The following TYR variants were observed in gnomAD, a reference collection of about 807,000 sequenced individuals.
TYR encodes the protein tyrosinase.
In TYR, 58 loss-of-function variants were observed where a neutral mutation model predicts 51.5. The ratio of observed to expected loss-of-function variants is 1.13; its 90% CI spans 0.91 to 1.40. The LOEUF (loss-of-function observed/expected upper bound fraction) is 1.40. Ranked by LOEUF, TYR falls within the 40% of genes most tolerant of loss-of-function variation. The pLI is 0.00. For missense variants in TYR, 732 were observed against 647.4 expected (o/e 1.13, Z -1.42); for synonymous variants, 263 against 235.2 (o/e 1.12, Z -1.08).
intron 1 of TYR, among the ~76,000 whole-genome samples, chr11:89,183,450 T>C (rs1442091127): frequency 1.3e-5 from 2 of 152,118 alleles, no homozygotes; most frequent in African/African-American, 4.8e-5. Context: ...AATTACCATC[T>C]ATACATGTTT....
intron 2 of TYR, among the ~76,000 whole-genome samples, chr11:89,218,633 G>A (rs1310052160): frequency 6.6e-6 from 1 of 152,156 alleles, no homozygotes; most frequent in Non-Finnish European, 1.5e-5. Flanking sequence ...GATAGCCTCT[G>A]TAATTAATAA....
At chr11:89,242,089 A>G (rs1944204120) in intron 3 of TYR, among the ~76,000 whole-genome samples, 1 of 152,158 alleles carries the variant, frequency 6.6e-6, no homozygotes. Flanking sequence ...CAGGTTGGAT[A>G]CACTTCTGAA....
At chr11:89,264,044 G>A (rs963080252) in intron 3 of TYR, among the ~76,000 whole-genome samples, 2 of 151,968 alleles carry the variant, frequency 1.3e-5, no homozygotes, top group African/African-American at 2.4e-5. Flanking sequence ...AAATGTTTCA[G>A]CATTTGCTGT....
intron 3 of TYR, among the ~76,000 whole-genome samples, chr11:89,255,329 A>G (rs1944377237): frequency 6.6e-6 from 1 of 151,716 alleles, no homozygotes; most frequent in African/African-American, 2.4e-5. Flanking sequence ...TCTTAAGCCC[A>G]TTTGTTCTAG....
At chr11:89,212,443 T>G (rs973137857) in intron 2 of TYR, among the ~76,000 whole-genome samples, 3 of 152,084 alleles carry the variant, frequency 2.0e-5, no homozygotes, top group African/African-American at 7.2e-5. Context: ...AGGCAATAAT[T>G]AATAGCCTAC....
intron 1 of TYR, among the ~76,000 whole-genome samples, chr11:89,186,009 C>T (rs1943367496): frequency 1.3e-5 from 2 of 152,024 alleles, no homozygotes; most frequent in African/African-American, 4.8e-5. Context: ...TCAACAATGC[C>T]TGTTTTTACT....
intron 3 of TYR, among the ~76,000 whole-genome samples, chr11:89,255,836 G>T (rs1944384437): frequency 6.6e-6 from 1 of 151,012 alleles, no homozygotes; most frequent in African/African-American, 2.4e-5. Flanking sequence ...CATTTTATTT[G>T]TCTTTTTTTA....
intron 4 of TYR, among the ~76,000 whole-genome samples, chr11:89,287,898 T>C (rs558605188): frequency 5.9e-4 from 89 of 152,076 alleles, no homozygotes; most frequent in Non-Finnish European, 1.1e-3. Context: ...ATGATTAATT[T>C]GATATTATTT....
At chr11:89,208,400 AC>A (rs879762321) in intron 2 of TYR, among the ~76,000 whole-genome samples, 4 of 152,358 alleles carry the variant, frequency 2.6e-5, no homozygotes, top group Admixed American at 1.3e-4. Context: ...AGCAATACTT[AC>A]TTTTATTTAT....
intron 3 of TYR, among the ~76,000 whole-genome samples, chr11:89,232,033 G>T (rs1221612297): frequency 7.1e-6 from 1 of 141,080 alleles, no homozygotes; most frequent in East Asian, 2.0e-4. Context: ...ACAGCGTGAT[G>T]ACTAAAGTTA....
chr11:89,281,534 T>A (rs1353295382), intron 3 of TYR, among the ~76,000 whole-genome samples: 2 of 151,706 alleles, frequency 1.3e-5, no homozygotes, highest in Non-Finnish European at 3.0e-5. Flanking sequence ...TTCATCGAAG[T>A]GTTTCAGTGT....
chr11:89,255,768 T>G (rs80018790), intron 3 of TYR, among the ~76,000 whole-genome samples: 5,401 of 151,752 alleles, frequency 0.036, 318 homozygotes, highest in African/African-American at 0.12. Flanking sequence ...TTTATTCTTG[T>G]TGGTGGTAAT....
At chr11:89,255,765 T>C (rs1289030779) in intron 3 of TYR, among the ~76,000 whole-genome samples, 1 of 151,760 alleles carries the variant, frequency 6.6e-6, no homozygotes, top group Non-Finnish European at 1.5e-5. Flanking sequence ...TAATTTATTC[T>C]TGTTGGTGGT....
At chr11:89,202,976 G>T (rs573942572) in intron 2 of TYR, among the ~76,000 whole-genome samples, 1 of 152,202 alleles carries the variant, frequency 6.6e-6, no homozygotes, top group African/African-American at 2.4e-5. Flanking sequence ...TTTTCAATTT[G>T]CAAGTCTGAT....
At chr11:89,253,242 C>G (rs577496494) in intron 3 of TYR, among the ~76,000 whole-genome samples, 113 of 151,860 alleles carry the variant, frequency 7.4e-4, no homozygotes, top group Non-Finnish European at 1.3e-3. Flanking sequence ...ATACAGGTGA[C>G]AAGAATTTGC....
chr11:89,286,903 A>T (rs891013955), intron 4 of TYR, among the ~76,000 whole-genome samples: 8 of 151,800 alleles, frequency 5.3e-5, no homozygotes, highest in African/African-American at 1.9e-4. Flanking sequence ...TTTTTCAAAG[A>T]TTTTCCATTT....
intron 4 of TYR, among the ~76,000 whole-genome samples, chr11:89,289,273 G>T (rs1351236295): frequency 2.6e-5 from 4 of 152,040 alleles, no homozygotes; most frequent in Non-Finnish European, 5.9e-5. Context: ...CACAGTAACT[G>T]CAGTGCCCCA....
chr11:89,264,377 T>A (rs1944499435), intron 3 of TYR, among the ~76,000 whole-genome samples: 1 of 150,454 alleles, frequency 6.6e-6, no homozygotes, highest in African/African-American at 2.4e-5. Flanking sequence ...ACAGTATTCT[T>A]TTTTTTTTAC....
At chr11:89,247,494 G>A (rs1197163702) in intron 3 of TYR, among the ~76,000 whole-genome samples, 1 of 152,144 alleles carries the variant, frequency 6.6e-6, no homozygotes, top group Non-Finnish European at 1.5e-5. Flanking sequence ...CTACAACAAT[G>A]TAGCTGCTCT....
Sources: allele counts gnomAD v4.1 joint callset (sites outside exome capture counted in the v4.1 genomes callset), GRCh38; gene constraint gnomAD v4.1.1; transcripts MANE v1.5; gene names NCBI Gene and HGNC (gene_info 2026-07-23, HGNC 2026-07-21).